Variants in DMD observed in about 807,000 individuals in gnomAD.
DMD encodes the protein mutant dystrophin.
In DMD, 63 loss-of-function variants were observed where a neutral mutation model predicts 330.1. That is an observed-to-expected ratio of 0.19 (90% CI 0.16 to 0.24). The LOEUF (loss-of-function observed/expected upper bound fraction) is 0.24. Among genes scored for constraint, DMD ranks in the 10% least tolerant of loss-of-function variants. The probability of loss-of-function intolerance (pLI) is 1.00; values close to 1 mark genes in which losing one functional copy is unlikely to be tolerated. For missense variants in DMD, 3,344 were observed against 2,684.1 expected, an observed-to-expected ratio of 1.25 and a Z score of -5.43; for synonymous variants, 1,223 against 959.8, an observed-to-expected ratio of 1.27 and a Z score of -5.07.
At chrX:31,558,639 A>ATGTGTATATATATATACTATATATATGTG (rs2074997685) in intron 55 of DMD, among the ~76,000 whole-genome samples, 1 of 108,946 alleles carries the variant, frequency 9.2e-6, no homozygotes, top group Non-Finnish European at 1.9e-5. Context: ...TCTGAGTTAT[A>ATGTGTATATATATATACTATATATATGTG]TGTGTATATA....
intron 3 of DMD, among the ~76,000 whole-genome samples, chrX:32,849,346 T>C (rs1440034494): frequency 8.9e-6 from 1 of 111,841 alleles, no homozygotes; most frequent in African/African-American, 3.3e-5. Context: ...ATAATGCCTG[T>C]ACCTTATTTT....
chrX:31,888,307 T>A (rs2094184969), intron 47 of DMD, among the ~76,000 whole-genome samples: 1 of 111,524 alleles, frequency 9.0e-6, no homozygotes, highest in African/African-American at 3.3e-5. Context: ...GCTATTTTGT[T>A]CCAGCCGCTG....
chrX:31,507,541 T>G, intron 55 of DMD, 88 bp from the exon 56 acceptor site: 1 of 881,173 alleles, frequency 1.1e-6, no homozygotes, highest in Admixed American at 2.7e-5. Flanking sequence ...TTGCAAAATA[T>G]AAATAATTAT....
At chrX:32,204,701 G>A (rs938812258) in intron 44 of DMD, among the ~76,000 whole-genome samples, 58 of 110,311 alleles carry the variant, frequency 5.3e-4, no homozygotes, top group African/African-American at 1.9e-3. Flanking sequence ...TCTGCAGGCT[G>A]TACAGGAAGC....
At chrX:32,743,824 A>G (rs764157740) in intron 7 of DMD, among the ~76,000 whole-genome samples, 62 of 111,690 alleles carry the variant, frequency 5.6e-4, no homozygotes, top group African/African-American at 2.0e-3. Flanking sequence ...TAAATAAAAT[A>G]GTATTGAGTG....
chrX:31,142,777 T>C (rs778859753), intron 76 of DMD, among the ~76,000 whole-genome samples: 3 of 112,354 alleles, frequency 2.7e-5, no homozygotes, highest in Non-Finnish European at 5.6e-5. Flanking sequence ...ACATTGTTAA[T>C]TGCTATTTTG....
chrX:33,187,247 C>T (rs1341314571), intron 1 of DMD, among the ~76,000 whole-genome samples: 2 of 112,384 alleles, frequency 1.8e-5, no homozygotes, highest in African/African-American at 6.5e-5. Context: ...GTATGAAGCT[C>T]TATGTTAATT....
At chrX:33,102,986 C>A (rs2095253620) in intron 1 of DMD, among the ~76,000 whole-genome samples, 1 of 111,185 alleles carries the variant, frequency 9.0e-6, no homozygotes, top group East Asian at 2.8e-4. Flanking sequence ...AAGGGGTAGT[C>A]TCATTTCTTT....
chrX:32,749,561 T>C (rs1458822755), intron 7 of DMD, among the ~76,000 whole-genome samples: 3 of 112,492 alleles, frequency 2.7e-5, no homozygotes, highest in African/African-American at 9.7e-5. Context: ...AAGAATTACA[T>C]TTCTTATTAG....
In DMD at chrX:32,196,724, G is replaced by A. The variant is rs191386957; in HGVS notation, c.6438+20192C>T. 8.2e-5 allele frequency among the ~76,000 whole-genome samples: 9 copies of A among 110,349 alleles called. No homozygotes were observed. In the East Asian group the frequency reaches 1.4e-3, roughly 18 times the overall value. ...CAGGTGGCCTGGCACGGTGGCTCAC[G>A]CCTGTAATCCCAGCACTTTGGGAGG... On this transcript the variant is annotated intron_variant, in intron 44 of 78. Transcript: ENST00000357033.
chrX:32,547,883 T>G (rs771572713), intron 16 of DMD, among the ~76,000 whole-genome samples: 60 of 111,666 alleles, frequency 5.4e-4, no homozygotes, highest in African/African-American at 1.8e-3. Flanking sequence ...AGACTTCCTC[T>G]TGTTAAAACT....
At chrX:33,113,592 C>A (rs1310714781) in intron 1 of DMD, among the ~76,000 whole-genome samples, 1 of 1,314 alleles carries the variant, frequency 7.6e-4, no homozygotes, top group African/African-American at 1.5e-3. Context: ...TCATTCTTGC[C>A]CCCCCCCCCA....
chrX:32,985,275 A>G (rs2092813983), intron 2 of DMD, among the ~76,000 whole-genome samples: 1 of 112,141 alleles, frequency 8.9e-6, no homozygotes, highest in African/African-American at 3.2e-5. Context: ...AGGACTTTAC[A>G]TAAAATGAAT....
chrX:31,960,551 C>A (rs772321164), intron 45 of DMD, among the ~76,000 whole-genome samples: 2 of 111,198 alleles, frequency 1.8e-5, no homozygotes, highest in South Asian at 7.7e-4. Context: ...CTCTTCTCAT[C>A]CTTTAAGACC....
intron 5 of DMD, among the ~76,000 whole-genome samples, chrX:32,822,898 T>C (rs2078392088): frequency 9.0e-6 from 1 of 111,402 alleles, no homozygotes; most frequent in Non-Finnish European, 1.9e-5. Context: ...AATCTTTTAT[T>C]GGCAATAATT....
At chrX:32,471,973 T>C (rs2040679338) in intron 22 of DMD, among the ~76,000 whole-genome samples, 191 bp downstream of exon 22, 1 of 112,602 alleles carries the variant, frequency 8.9e-6, no homozygotes, top group African/African-American at 3.2e-5. Context: ...CATGTATATA[T>C]GCCCATACAT....
intron 44 of DMD, among the ~76,000 whole-genome samples, chrX:32,179,325 G>T (rs991135728): frequency 9.0e-6 from 1 of 111,477 alleles, no homozygotes; most frequent in Admixed American, 9.6e-5. Context: ...CCAACATAAT[G>T]ATCTGAGTTC....
intron 44 of DMD, among the ~76,000 whole-genome samples, chrX:32,126,606 G>A (rs934464031): frequency 1.8e-5 from 2 of 111,871 alleles, no homozygotes; most frequent in Non-Finnish European, 3.8e-5. Flanking sequence ...TGATGTGTTC[G>A]CACAATTAAG....
chrX:32,021,172 G>A (rs775761891), intron 44 of DMD, among the ~76,000 whole-genome samples: 2 of 111,973 alleles, frequency 1.8e-5, no homozygotes, highest in East Asian at 2.8e-4. Context: ...ATGTCCATAC[G>A]CATGTAAAAT....
Sources: allele counts gnomAD v4.1 joint callset (sites outside exome capture counted in the v4.1 genomes callset), GRCh38; gene constraint gnomAD v4.1.1; transcripts MANE v1.5; gene names NCBI Gene and HGNC (gene_info 2026-07-23, HGNC 2026-07-21).